The following SMYD3 variants were observed in gnomAD, a reference collection of about 807,000 sequenced individuals.
SMYD3 encodes the protein SET and MYND domain containing 3.
A neutral mutation model predicts 57.7 loss-of-function variants in SMYD3; 36 were observed. The ratio of observed to expected loss-of-function variants is 0.62; its 90% CI spans 0.48 to 0.82. The LOEUF is 0.82. Ranked by LOEUF, SMYD3 falls within the 40% of genes least tolerant of loss-of-function variation. The pLI, the probability that SMYD3 is intolerant of heterozygous loss-of-function variation, is 0.00. For missense variants in SMYD3, 515 were observed against 538.8 expected, an observed-to-expected ratio of 0.96 and a Z score of 0.44; for synonymous variants, 211 against 195.0, an observed-to-expected ratio of 1.08 and a Z score of -0.68.
At chr1:245,851,664 G>C (rs1025920217) in intron 10 of SMYD3, among the ~76,000 whole-genome samples, 1 of 152,182 alleles carries the variant, frequency 6.6e-6, no homozygotes, top group Admixed American at 6.5e-5. Flanking sequence ...AGCTCATAAC[G>C]GGGACAGGGG....
At chr1:245,825,824 T>A (rs1216189859) in intron 10 of SMYD3, among the ~76,000 whole-genome samples, 1 of 151,012 alleles carries the variant, frequency 6.6e-6, no homozygotes, top group Non-Finnish European at 1.5e-5. Context: ...TCTACAGAAA[T>A]CTAAAGTTTA....
intron 8 of SMYD3, among the ~76,000 whole-genome samples, chr1:245,864,111 A>G (rs114625395): frequency 0.011 from 1,648 of 152,330 alleles, 16 homozygotes; most frequent in Middle Eastern, 0.065. Context: ...AGGTTAGTGA[A>G]GATGCAGAGA....
At chr1:246,008,362 C>G (rs1245165452) in intron 5 of SMYD3, among the ~76,000 whole-genome samples, 1 of 152,170 alleles carries the variant, frequency 6.6e-6, no homozygotes, top group Admixed American at 6.5e-5. Flanking sequence ...TGTAATGCGA[C>G]GTAAATAAGA....
In SMYD3 at chr1:246,096,942, T is replaced by C. The variant is rs116075132; in HGVS notation, c.532-167005A>G. 7.3e-3 allele frequency among the ~76,000 whole-genome samples: 1,115 copies of C among 152,332 alleles called. 11 individuals are homozygous for C. Among genetic ancestry groups the C allele is most frequent in the South Asian group, 0.037 (180 of 4,826 alleles). On this transcript the variant is annotated intron_variant, in intron 5 of 11. Coordinates refer to ENST00000490107, the MANE Select transcript of SMYD3 (RefSeq NM_001167740.2). ...GATATTATTTATCCAAGTTGTTGAT[T>C]TGTAGGTGCTCATTCCATTTTCTCC...
chr1:246,002,516 CA>C (rs1440617421), intron 5 of SMYD3, among the ~76,000 whole-genome samples: 4 of 86,178 alleles, frequency 4.6e-5, no homozygotes, highest in East Asian at 4.1e-4. Flanking sequence ...GACGGGGTTT[CA>C]CCATGTTAGC....
intron 11 of SMYD3, 111 bp downstream of exon 11, chr1:245,763,930 G>A (rs771686652): frequency 6.1e-5 from 46 of 753,628 alleles, no homozygotes; most frequent in East Asian, 2.5e-4. Flanking sequence ...CTGGGCATGC[G>A]TGTGTATGCG....
At chr1:246,117,139 G>A (rs1364430496) in intron 5 of SMYD3, among the ~76,000 whole-genome samples, 2 of 152,212 alleles carry the variant, frequency 1.3e-5, no homozygotes. Flanking sequence ...TTGCTTGTCA[G>A]ATCTTAGAAC....
chr1:246,009,389 T>C lies in SMYD3; in HGVS notation c.532-79452A>G, dbSNP rs543819146. On this transcript the variant is annotated intron_variant, in intron 5 of 11. Transcript: ENST00000490107. ...GTCCCTTCTGTTTCTAGGAAGAGTCTACAATCCTAACTTTAATGCATTTTT... is the reference window on the plus strand; with the variant it reads ...GTCCCTTCTGTTTCTAGGAAGAGTCCACAATCCTAACTTTAATGCATTTTT... 2.1e-4 allele frequency among the ~76,000 whole-genome samples: 32 copies of C among 152,370 alleles called. 1 individual carries two copies. In the South Asian group the frequency reaches 6.0e-3, roughly 29 times the overall value.
chr1:246,312,522 T>A (rs1037441826), intron 5 of SMYD3, among the ~76,000 whole-genome samples: 1 of 152,264 alleles, frequency 6.6e-6, no homozygotes, highest in African/African-American at 2.4e-5. Flanking sequence ...TTCCTGATAT[T>A]CCTGGCACGG....
intron 10 of SMYD3, among the ~76,000 whole-genome samples, chr1:245,803,070 A>G (rs1376277158): frequency 6.6e-6 from 1 of 152,246 alleles, no homozygotes; most frequent in Non-Finnish European, 1.5e-5. Flanking sequence ...GAGAAGCTCT[A>G]CAGCTTCTAA....
chr1:245,808,777 T>C (rs1368037047), intron 10 of SMYD3, among the ~76,000 whole-genome samples: 1 of 152,078 alleles, frequency 6.6e-6, no homozygotes, highest in East Asian at 1.9e-4. Context: ...TAGTTTTTAT[T>C]TGTGAGACAG....
At chr1:246,204,143 T>C (rs948332186) in intron 5 of SMYD3, among the ~76,000 whole-genome samples, 4 of 152,180 alleles carry the variant, frequency 2.6e-5, no homozygotes, top group African/African-American at 7.2e-5. Context: ...TTTTATATGC[T>C]GATAATAAAA....
intron 5 of SMYD3, among the ~76,000 whole-genome samples, chr1:246,241,180 GGGAATGCT>G: frequency 6.6e-6 from 1 of 152,280 alleles, no homozygotes; most frequent in South Asian, 2.1e-4. Flanking sequence ...AGTTTTCAAA[GGGAATGCT>G]TCCAGTTTTT....
At chr1:246,218,608 G>A (rs1261527990) in intron 5 of SMYD3, among the ~76,000 whole-genome samples, 14 of 148,620 alleles carry the variant, frequency 9.4e-5, no homozygotes, top group African/African-American at 2.5e-4. Context: ...GTGACAGAGC[G>A]AGACTCCGTC....
At chr1:246,147,308 G>A (rs2061864187) in intron 5 of SMYD3, among the ~76,000 whole-genome samples, 1 of 152,192 alleles carries the variant, frequency 6.6e-6, no homozygotes. Context: ...CCTCCGGGGA[G>A]TCATGTCAGG....
At chr1:246,272,042 T>C (rs10218509) in intron 5 of SMYD3, among the ~76,000 whole-genome samples, 4,398 of 152,314 alleles carry the variant, frequency 0.029, 193 homozygotes, top group African/African-American at 0.095. Flanking sequence ...TTTTATTCTT[T>C]TGGATGGAAT....
chr1:246,089,884 CTTT>C (rs5782382), intron 5 of SMYD3, among the ~76,000 whole-genome samples: 89,472 of 143,766 alleles, frequency 0.62, 28,435 homozygotes, highest in Non-Finnish European at 0.69. Context: ...TGGTAGTTTG[CTTT>C]TTTTTTTTTT....
chr1:245,997,995 C>T (rs910887166), intron 5 of SMYD3, among the ~76,000 whole-genome samples: 2 of 152,160 alleles, frequency 1.3e-5, no homozygotes, highest in Admixed American at 6.5e-5. Flanking sequence ...AGAGGCTGGA[C>T]AATAACACAG....
intron 1 of SMYD3, among the ~76,000 whole-genome samples, chr1:246,415,387 C>A (rs2067046543): frequency 2.6e-5 from 4 of 152,162 alleles, no homozygotes; most frequent in Non-Finnish European, 5.9e-5. Flanking sequence ...ATCGTACTTA[C>A]CACGTCCCAG....
Sources: allele counts gnomAD v4.1 joint callset (sites outside exome capture counted in the v4.1 genomes callset), GRCh38; gene constraint gnomAD v4.1.1; transcripts MANE v1.5; gene names NCBI Gene and HGNC (gene_info 2026-07-23, HGNC 2026-07-21).